Variants in PNLIPRP3 observed in about 807,000 individuals in gnomAD.
PNLIPRP3 encodes the protein pancreatic lipase related protein 3.
Under a neutral mutation model 52.8 loss-of-function variants are expected in PNLIPRP3, and 58 were observed. That is an observed-to-expected ratio of 1.10 (90% CI 0.89 to 1.37). The LOEUF (loss-of-function observed/expected upper bound fraction) is 1.37, where lower values mean the gene tolerates loss of function less well. Ranked by LOEUF, PNLIPRP3 falls within the 40% of genes most tolerant of loss-of-function variation. The pLI is 0.00. For synonymous variants in PNLIPRP3, 192 were observed against 185.0 expected, an observed-to-expected ratio of 1.04 and a Z score of -0.31; for missense variants, 593 against 561.6, an observed-to-expected ratio of 1.06 and a Z score of -0.57.
At chr10:116,457,799 T>C (rs1296410488) in intron 5 of PNLIPRP3, among the ~76,000 whole-genome samples, 1 of 152,216 alleles carries the variant, frequency 6.6e-6, no homozygotes, top group Non-Finnish European at 1.5e-5. Flanking sequence ...ATTTTGTTTT[T>C]ATTAAGTTTT....
At chr10:116,441,081 A>C (rs1010033671) in intron 2 of PNLIPRP3, among the ~76,000 whole-genome samples, 3 of 152,198 alleles carry the variant, frequency 2.0e-5, no homozygotes, top group African/African-American at 7.2e-5. Context: ...AGCAGAATCT[A>C]AGCTGTCTTC....
At chr10:116,439,758 C>T (rs557303806) in intron 2 of PNLIPRP3, 18 of 770,214 alleles carry the variant, frequency 2.3e-5, no homozygotes, top group South Asian at 1.4e-4. Context: ...AGAATCCAGA[C>T]GGTGGCCTTT....
At chr10:116,440,205 T>A (rs549941983) in intron 2 of PNLIPRP3, among the ~76,000 whole-genome samples, 1 of 152,182 alleles carries the variant, frequency 6.6e-6, no homozygotes, top group Non-Finnish European at 1.5e-5. Flanking sequence ...CTCTTAGGAC[T>A]CATCAGGCTC....
intron 8 of PNLIPRP3, among the ~76,000 whole-genome samples, 163 bp downstream of exon 8, chr10:116,466,331 T>C (rs1041370586): frequency 6.6e-6 from 1 of 152,208 alleles, no homozygotes; most frequent in Non-Finnish European, 1.5e-5. Context: ...GTAGCTGGGA[T>C]TGCTGGAGGG....
At chr10:116,450,535 G>A (rs950586172) in intron 4 of PNLIPRP3, among the ~76,000 whole-genome samples, 1 of 152,006 alleles carries the variant, frequency 6.6e-6, no homozygotes, top group Admixed American at 6.5e-5. Context: ...TTGGTTTGTT[G>A]AAAAGATGAA....
intron 2 of PNLIPRP3, among the ~76,000 whole-genome samples, chr10:116,438,139 G>A (rs750395732): frequency 1.3e-5 from 2 of 152,172 alleles, no homozygotes; most frequent in African/African-American, 4.8e-5. Context: ...GGCTTGAGCA[G>A]GCTGTTGGAG....
intron 1 of PNLIPRP3, among the ~76,000 whole-genome samples, chr10:116,436,443 T>A (rs1399550461): frequency 6.6e-6 from 1 of 152,198 alleles, no homozygotes; most frequent in Non-Finnish European, 1.5e-5. Flanking sequence ...GCAATGATCA[T>A]TTTGGAATAT....
intron 4 of PNLIPRP3, among the ~76,000 whole-genome samples, chr10:116,445,452 A>C (rs1485508967): frequency 6.6e-6 from 1 of 152,070 alleles, no homozygotes; most frequent in East Asian, 1.9e-4. Context: ...ATGCCCCGAC[A>C]CTTCTCTATC....
At chr10:116,433,114 CAAAAAAAAA>C (rs71010080) in intron 1 of PNLIPRP3, among the ~76,000 whole-genome samples, 103 of 8,484 alleles carry the variant, frequency 0.012, no homozygotes, top group South Asian at 0.017. Context: ...AACTCCATCT[CAAAAAAAAA>C]AAAAAAAAAA....
chr10:116,436,354 TA>T (rs1845773061), intron 1 of PNLIPRP3, among the ~76,000 whole-genome samples: 1 of 152,192 alleles, frequency 6.6e-6, no homozygotes, highest in South Asian at 2.1e-4. Context: ...TAACTTGGAA[TA>T]AAGACTTAAA....
intron 1 of PNLIPRP3, 151 bp downstream of exon 1, chr10:116,428,212 G>A (rs1845664234): frequency 5.1e-6 from 3 of 591,698 alleles, no homozygotes; most frequent in Non-Finnish European, 8.8e-6. Context: ...TTAAAATATT[G>A]GCTGCTTATA....
chr10:116,464,378 T>A (rs1363575885), intron 7 of PNLIPRP3, among the ~76,000 whole-genome samples: 2 of 152,318 alleles, frequency 1.3e-5, no homozygotes, highest in Non-Finnish European at 2.9e-5. Flanking sequence ...GCCAGAGACC[T>A]CCACAGCCTG....
At chr10:116,433,517 T>G (rs974355032) in intron 1 of PNLIPRP3, among the ~76,000 whole-genome samples, 9 of 152,200 alleles carry the variant, frequency 5.9e-5, no homozygotes, top group Non-Finnish European at 1.2e-4. Context: ...TTGTAGGACA[T>G]GTAAGGTTGT....
At chr10:116,444,763 T>A (rs750022975) in intron 4 of PNLIPRP3, among the ~76,000 whole-genome samples, 3 of 152,226 alleles carry the variant, frequency 2.0e-5, no homozygotes, top group Non-Finnish European at 4.4e-5. Context: ...CCCCGCAAGG[T>A]CACTGCCTTG....
chr10:116,467,476 G>A (rs1352243233), intron 8 of PNLIPRP3, among the ~76,000 whole-genome samples: 1 of 152,196 alleles, frequency 6.6e-6, no homozygotes, highest in South Asian at 2.1e-4. Context: ...TAAATTAAAA[G>A]TTCAAAGCCT....
chr10:116,473,451 G>A (rs958985195), intron 10 of PNLIPRP3, among the ~76,000 whole-genome samples: 1 of 152,122 alleles, frequency 6.6e-6, no homozygotes, highest in African/African-American at 2.4e-5. Flanking sequence ...ACAAATGTAA[G>A]CATATATTTT....
At chr10:116,471,988 G>A (rs1846381326) in intron 10 of PNLIPRP3, 109 bp downstream of exon 10, 1 of 607,782 alleles carries the variant, frequency 1.6e-6, no homozygotes, top group Non-Finnish European at 2.9e-6. Flanking sequence ...CAATTCCACA[G>A]GCTACCATGG....
At chr10:116,444,581 A>G in intron 4 of PNLIPRP3, 68 bp downstream of exon 4, 1 of 1,457,758 alleles carries the variant, frequency 6.9e-7, no homozygotes, top group South Asian at 1.2e-5. Flanking sequence ...AGAAGTTGGG[A>G]CAATTTAATG....
At chr10:116,439,765 CT>C in intron 2 of PNLIPRP3, 1 of 771,142 alleles carries the variant, frequency 1.3e-6, no homozygotes. Context: ...AGACGGTGGC[CT>C]TTTAGGGGCA....
Sources: allele counts gnomAD v4.1 joint callset (sites outside exome capture counted in the v4.1 genomes callset), GRCh38; gene constraint gnomAD v4.1.1; transcripts MANE v1.5; gene names NCBI Gene and HGNC (gene_info 2026-07-23, HGNC 2026-07-21).